The following SMIM14 variants were observed in gnomAD, a reference collection of about 807,000 sequenced individuals.
The protein encoded by SMIM14 is small integral membrane protein 14.
SMIM14 carries 5 observed loss-of-function variants against 12.6 expected under a neutral mutation model. The observed-to-expected ratio is 0.40, with a 90% CI of 0.21 to 0.83. SMIM14 has a LOEUF of 0.83. Ranked by LOEUF, SMIM14 falls within the 40% of genes least tolerant of loss-of-function variation. The probability of loss-of-function intolerance (pLI) is 0.37; values close to 1 mark genes in which losing one functional copy is unlikely to be tolerated. For synonymous variants in SMIM14, 30 were observed against 40.1 expected, an observed-to-expected ratio of 0.75 and a Z score of 0.95; for missense variants, 86 against 119.1, an observed-to-expected ratio of 0.72 and a Z score of 1.29.
chr4:39,567,521 GA>G (rs1453853260), intron 3 of SMIM14, among the ~76,000 whole-genome samples: 1 of 151,870 alleles, frequency 6.6e-6, no homozygotes, highest in Non-Finnish European at 1.5e-5. Context: ...GGCGGATCAC[GA>G]GGTCAGGAGT....
chr4:39,586,717 C>T (rs778284876), intron 2 of SMIM14, among the ~76,000 whole-genome samples: 1 of 152,052 alleles, frequency 6.6e-6, no homozygotes, highest in East Asian at 1.9e-4. Flanking sequence ...AGTCACTTAC[C>T]CGTTTTTAGG....
chr4:39,581,725 G>C (rs1713509621), intron 2 of SMIM14, among the ~76,000 whole-genome samples: 1 of 151,258 alleles, frequency 6.6e-6, no homozygotes, highest in Non-Finnish European at 1.5e-5. Flanking sequence ...CACCACACCT[G>C]GCTGTTTTTG....
chr4:39,603,882 G>A (rs559458854), intron 2 of SMIM14, among the ~76,000 whole-genome samples: 6 of 151,838 alleles, frequency 4.0e-5, no homozygotes, highest in African/African-American at 9.7e-5. Context: ...ATGGTGGTGC[G>A]CACCTGCAAT....
intron 2 of SMIM14, chr4:39,592,728 C>G (rs1714167112): frequency 6.6e-6 from 1 of 152,178 alleles, no homozygotes; most frequent in East Asian, 1.9e-4. Context: ...GATATCACCA[C>G]CAATCCCACA....
chr4:39,608,453 G>A (rs1714897600), intron 1 of SMIM14, among the ~76,000 whole-genome samples: 1 of 152,114 alleles, frequency 6.6e-6, no homozygotes, highest in South Asian at 2.1e-4. Context: ...CATACAATGG[G>A]GATATTCAGC....
At chr4:39,625,071 A>G (rs1221994602) in intron 1 of SMIM14, among the ~76,000 whole-genome samples, 1 of 151,338 alleles carries the variant, frequency 6.6e-6, no homozygotes, top group African/African-American at 2.4e-5. Flanking sequence ...GACAAAAGTT[A>G]GCTGGGTGTG....
intron 4 of SMIM14, among the ~76,000 whole-genome samples, chr4:39,553,141 A>G (rs1454303532): frequency 6.7e-6 from 1 of 149,472 alleles, no homozygotes; most frequent in Non-Finnish European, 1.5e-5. Context: ...GCTCACTGCA[A>G]ACTCCGCCTC....
intron 2 of SMIM14, among the ~76,000 whole-genome samples, chr4:39,582,993 T>C (rs12507407): frequency 0.081 from 12,383 of 152,076 alleles, 867 homozygotes; most frequent in Admixed American, 0.21. Flanking sequence ...GGTTTTGCCA[T>C]GTTGGCCAGG....
intron 3 of SMIM14, 134 bp downstream of exon 3, chr4:39,572,277 CTTTT>C (rs71192876): frequency 0.044 from 9,327 of 210,462 alleles, 168 homozygotes; most frequent in Admixed American, 0.085. Context: ...GTATGTGTCG[CTTTT>C]TTTTTTTTTT....
At chr4:39,552,294 G>A in intron 4 of SMIM14, 136 bp from the exon 5 acceptor site, 1 of 584,394 alleles carries the variant, frequency 1.7e-6, no homozygotes, top group Non-Finnish European at 2.8e-6. Context: ...CAACTGAGCA[G>A]CAATGCCCCC....
intron 2 of SMIM14, among the ~76,000 whole-genome samples, chr4:39,598,561 C>A (rs1032090812): frequency 2.1e-4 from 31 of 149,722 alleles, no homozygotes; most frequent in African/African-American, 7.5e-4. Flanking sequence ...CTTTCCATCC[C>A]CTAATAATGG....
intron 4 of SMIM14, among the ~76,000 whole-genome samples, chr4:39,554,893 T>C (rs1440065147): frequency 6.8e-6 from 1 of 146,280 alleles, no homozygotes; most frequent in Non-Finnish European, 1.5e-5. Flanking sequence ...TGGAGTGCAA[T>C]GGCACGATCT....
chr4:39,605,136 C>T lies in SMIM14; in HGVS notation c.10G>A (p.Gly4Ser). ...ACACATTCACAGGGATCAAATCCAC[C>T]TTCTGCCATGATTACCCAGCTTGAT... MAE[G>S]GFDPCECVCS... is the part of the protein sequence containing the mutation. Residue 4 changes from glycine (G) to serine (S), a missense_variant, in exon 2 of 5, where the codon GGT becomes AGT. Gly to Ser is a moderately conservative substitution (Grantham distance 56). Transcript: ENST00000295958. 1 of 1,604,972 alleles carries T rather than the reference C, an allele frequency of 6.2e-7. No individual in the cohort carries two copies. The highest frequency in any genetic ancestry group is 8.5e-7 in the Non-Finnish European group (1 of 1,178,268).
At chr4:39,595,904 C>T (rs1198031731) in intron 2 of SMIM14, among the ~76,000 whole-genome samples, 2 of 151,978 alleles carry the variant, frequency 1.3e-5, no homozygotes, top group East Asian at 3.9e-4. Context: ...GGTGAGCCAC[C>T]ATGCCAGGCC....
At chr4:39,590,861 C>A (rs916788437) in intron 2 of SMIM14, among the ~76,000 whole-genome samples, 15 of 151,090 alleles carry the variant, frequency 9.9e-5, no homozygotes, top group Non-Finnish European at 1.6e-4. Context: ...TTAAATAACA[C>A]AGAATTATAT....
chr4:39,632,004 A>G (rs1487751200), intron 1 of SMIM14, among the ~76,000 whole-genome samples: 2 of 152,168 alleles, frequency 1.3e-5, no homozygotes, highest in Non-Finnish European at 2.9e-5. Context: ...GAGGTCGTAA[A>G]TGTTATCAAA....
chr4:39,622,385 A>C (rs2110075882), intron 1 of SMIM14, among the ~76,000 whole-genome samples: 1 of 150,178 alleles, frequency 6.7e-6, no homozygotes, highest in East Asian at 2.0e-4. Context: ...CCCGGCCACA[A>C]ATGCATGTTT....
At chr4:39,560,926 T>C (rs1712278665) in intron 3 of SMIM14, among the ~76,000 whole-genome samples, 1 of 152,158 alleles carries the variant, frequency 6.6e-6, no homozygotes, top group East Asian at 1.9e-4. Flanking sequence ...CCCCACCTGC[T>C]CAAGCTACCA....
chr4:39,569,949 A>C (rs1412095783), intron 3 of SMIM14, among the ~76,000 whole-genome samples: 2 of 152,044 alleles, frequency 1.3e-5, no homozygotes, highest in East Asian at 3.9e-4. Context: ...TTTCCTCCCA[A>C]ATATTTACTT....
Sources: allele counts gnomAD v4.1 joint callset (sites outside exome capture counted in the v4.1 genomes callset), GRCh38; gene constraint gnomAD v4.1.1; transcripts MANE v1.5; gene names NCBI Gene and HGNC (gene_info 2026-07-23, HGNC 2026-07-21).